Variants in ALK observed in about 807,000 individuals in gnomAD.
ALK encodes the protein ALK tyrosine kinase receptor.
A neutral mutation model predicts 163.1 loss-of-function variants in ALK; 74 were observed. The ratio of observed to expected loss-of-function variants is 0.45; its 90% CI spans 0.38 to 0.55. The LOEUF is 0.55. ALK is among the 20% of genes least tolerant of loss of function. ALK has a pLI of 0.00. For synonymous variants in ALK, 960 were observed against 843.2 expected (o/e 1.14, Z -2.40); for missense variants, 2,063 against 2,105.3 (o/e 0.98, Z 0.39).
intron 3 of ALK, among the ~76,000 whole-genome samples, chr2:29,634,315 GT>G (rs1256685407): frequency 1.3e-5 from 2 of 152,076 alleles, no homozygotes; most frequent in Non-Finnish European, 2.9e-5. Context: ...AACAGAGACA[GT>G]ACAAAACAAA....
intron 1 of ALK, among the ~76,000 whole-genome samples, chr2:29,842,992 G>A (rs1279492908): frequency 3.9e-5 from 6 of 152,218 alleles, no homozygotes; most frequent in Non-Finnish European, 8.8e-5. Context: ...AATGCCCACA[G>A]CTTCTCATCC....
At chr2:29,701,009 C>T (rs753467841) in intron 2 of ALK, among the ~76,000 whole-genome samples, 1 of 152,208 alleles carries the variant, frequency 6.6e-6, no homozygotes, top group Non-Finnish European at 1.5e-5. Flanking sequence ...AGATGGAGGC[C>T]TTCCAACCGG....
intron 1 of ALK, among the ~76,000 whole-genome samples, chr2:29,721,717 G>C (rs1474887774): frequency 6.6e-6 from 1 of 152,174 alleles, no homozygotes; most frequent in Non-Finnish European, 1.5e-5. Flanking sequence ...CAAGGGATCT[G>C]CTGTTACAAT....
chr2:29,258,380 T>C (rs1345879883), intron 11 of ALK, among the ~76,000 whole-genome samples: 1 of 152,270 alleles, frequency 6.6e-6, no homozygotes, highest in East Asian at 1.9e-4. Context: ...CATTTATTTA[T>C]TGCAAGTTGC....
chr2:29,566,133 G>T lies in ALK; in HGVS notation c.953-34017C>A, dbSNP rs146971763. 2.3e-3 allele frequency among the ~76,000 whole-genome samples: 350 copies of T among 152,262 alleles called. 2 individuals are homozygous for T. Among genetic ancestry groups the T allele is most frequent in the African/African-American group, 8.1e-3 (337 of 41,558 alleles). ...TTTGGAGCCAGGGCCACCCACCCAG[G>T]GTCACCCTGCCTGGATCACTTTATG... On this transcript the variant is annotated intron_variant, in intron 3 of 28. Transcript: ENST00000389048.
intron 3 of ALK, among the ~76,000 whole-genome samples, chr2:29,676,233 G>C (rs1314197994): frequency 6.6e-6 from 1 of 151,926 alleles, no homozygotes; most frequent in African/African-American, 2.4e-5. Flanking sequence ...GTCTTGCATT[G>C]ATTGTGATTT....
rs970924921 is a variant in ALK, at chr2:29,440,266, A to G, written c.1155-56407T>C. On this transcript the variant is annotated intron_variant, in intron 4 of 28. Coordinates refer to ENST00000389048, the MANE Select transcript of ALK (RefSeq NM_004304.5). The stretch of plus-strand genomic sequence containing the variant: ...AAAACAAAAAAAACCACTAATACAC[A>G]TCTTTTCAGATGATTGATATGCCCA... 3.3e-5 allele frequency among the ~76,000 whole-genome samples: 5 copies of G among 150,118 alleles called. No individual in the cohort carries two copies. In the East Asian group the frequency reaches 9.8e-4, roughly 29 times the overall value.
chr2:29,556,277 T>C (rs759103020), intron 3 of ALK, among the ~76,000 whole-genome samples: 75 of 152,294 alleles, frequency 4.9e-4, no homozygotes, highest in Non-Finnish European at 9.7e-4. Context: ...CTAAAGTGTC[T>C]ATGAAATAGG....
At chr2:29,260,072 T>C (rs1665047688) in intron 11 of ALK, among the ~76,000 whole-genome samples, 1 of 152,192 alleles carries the variant, frequency 6.6e-6, no homozygotes, top group African/African-American at 2.4e-5. Flanking sequence ...TTAAAAAATT[T>C]CCTCTTTTTA....
chr2:29,377,230 CA>C (rs1186375488), intron 5 of ALK, among the ~76,000 whole-genome samples: 2 of 152,132 alleles, frequency 1.3e-5, no homozygotes, highest in Non-Finnish European at 2.9e-5. Flanking sequence ...GTAATCCCAG[CA>C]CTTGGGAAGC....
chr2:29,774,190 T>C (rs1450234011), intron 1 of ALK, among the ~76,000 whole-genome samples: 8 of 152,176 alleles, frequency 5.3e-5, no homozygotes, highest in Non-Finnish European at 8.8e-5. Flanking sequence ...CAAATGACTG[T>C]CAGCTCATTC....
intron 8 of ALK, among the ~76,000 whole-genome samples, chr2:29,305,766 G>T (rs1666492720): frequency 6.6e-6 from 1 of 152,198 alleles, no homozygotes; most frequent in African/African-American, 2.4e-5. Context: ...CTTTTCCACA[G>T]ACCAGGGGCT....
At chr2:29,825,513 C>T (rs1347039496) in intron 1 of ALK, among the ~76,000 whole-genome samples, 3 of 152,126 alleles carry the variant, frequency 2.0e-5, no homozygotes, top group Non-Finnish European at 4.4e-5. Flanking sequence ...GAAAGAAAGA[C>T]AACAGGGCTA....
At chr2:29,665,968 C>T (rs1677500990) in intron 3 of ALK, among the ~76,000 whole-genome samples, 1 of 152,052 alleles carries the variant, frequency 6.6e-6, no homozygotes, top group Non-Finnish European at 1.5e-5. Context: ...CCCATGTCTC[C>T]CTACTCTCAT....
chr2:29,546,654 C>T (rs1270436444), intron 3 of ALK, among the ~76,000 whole-genome samples: 2 of 152,112 alleles, frequency 1.3e-5, no homozygotes, highest in African/African-American at 2.4e-5. Flanking sequence ...GCTCTGGAAT[C>T]GGATTGTTCA....
At chr2:29,878,401 G>A (rs1052709992) in intron 1 of ALK, among the ~76,000 whole-genome samples, 1 of 152,146 alleles carries the variant, frequency 6.6e-6, no homozygotes, top group Non-Finnish European at 1.5e-5. Flanking sequence ...CAACATTCCT[G>A]CAGTCATTTG....
At chr2:29,505,855 C>A (rs1672305040) in intron 4 of ALK, among the ~76,000 whole-genome samples, 1 of 151,042 alleles carries the variant, frequency 6.6e-6, no homozygotes, top group Admixed American at 6.6e-5. Context: ...TCAGCAACAT[C>A]CATTCATGGG....
chr2:29,422,094 G>C (rs1402049364), intron 4 of ALK, among the ~76,000 whole-genome samples: 1 of 151,448 alleles, frequency 6.6e-6, no homozygotes, highest in Non-Finnish European at 1.5e-5. Context: ...GGAGGCAAAG[G>C]AATCAGAGTC....
rs187083674 is a variant in ALK at position 29,353,719 on chromosome 2, G to T, written c.1283-25238C>A. On this transcript the variant is annotated intron_variant, in intron 5 of 28. Transcript: ENST00000389048. ...GTGGAGAAGGTCATGATGAAGTGAG[G>T]ATCTAAAAAAAAAAAAAGCATTTAT... Among the ~76,000 whole-genome samples the T allele has an allele frequency of 3.3e-4, 49 of 149,668 alleles. No individual in the cohort carries two copies. In the East Asian group the frequency reaches 9.5e-3, roughly 29 times the overall value.
Sources: allele counts gnomAD v4.1 joint callset (sites outside exome capture counted in the v4.1 genomes callset), GRCh38; gene constraint gnomAD v4.1.1; transcripts MANE v1.5; gene names NCBI Gene and HGNC (gene_info 2026-07-23, HGNC 2026-07-21).